Variants in CD200R1 observed in about 807,000 individuals in gnomAD.
CD200R1 encodes cell surface glycoprotein CD200 receptor 1.
In CD200R1, 30 loss-of-function variants were observed where a neutral mutation model predicts 38.1. That is an observed-to-expected ratio of 0.79 (90% CI 0.59 to 1.07). CD200R1 has a LOEUF of 1.07. CD200R1 is among the 50% of genes least tolerant of loss of function. The pLI is 0.00. For missense variants in CD200R1, 372 were observed against 415.4 expected (o/e 0.90, Z 0.91); for synonymous variants, 128 against 152.1 (o/e 0.84, Z 1.16).
chr3:112,965,016 A>T (rs1305450906), intron 1 of CD200R1, among the ~76,000 whole-genome samples: 1 of 152,114 alleles, frequency 6.6e-6, no homozygotes, highest in Non-Finnish European at 1.5e-5. Context: ...TTCACCTTCT[A>T]CCATTATTAT....
chr3:112,964,176 C>G (rs189094090), intron 1 of CD200R1, among the ~76,000 whole-genome samples: 3 of 152,328 alleles, frequency 2.0e-5, no homozygotes, highest in African/African-American at 7.2e-5. Context: ...CATGGAGAAC[C>G]TCTGCTAGGG....
At chr3:112,928,069 G>T (rs1181062128) in intron 5 of CD200R1, among the ~76,000 whole-genome samples, 1 of 152,166 alleles carries the variant, frequency 6.6e-6, no homozygotes, top group African/African-American at 2.4e-5. Context: ...TCTACCATAA[G>T]AAGTTGTGAT....
intron 1 of CD200R1, among the ~76,000 whole-genome samples, chr3:112,950,572 C>A (rs898144131): frequency 5.9e-5 from 9 of 152,138 alleles, no homozygotes; most frequent in South Asian, 2.1e-4. Context: ...ATCAACCACA[C>A]TGACCTAATT....
chr3:112,962,401 A>G (rs190238182), intron 1 of CD200R1, among the ~76,000 whole-genome samples: 10 of 152,342 alleles, frequency 6.6e-5, no homozygotes, highest in Admixed American at 3.3e-4. Context: ...TTGTTTTCCA[A>G]AAAATCTGAC....
intron 1 of CD200R1, among the ~76,000 whole-genome samples, chr3:112,959,143 C>T (rs1932948172): frequency 6.6e-6 from 1 of 152,022 alleles, no homozygotes; most frequent in Admixed American, 6.6e-5. Flanking sequence ...GTTAAAAACC[C>T]CTAATTCGGT....
At chr3:112,948,752 G>A (rs1483437461) in intron 1 of CD200R1, among the ~76,000 whole-genome samples, 1 of 152,196 alleles carries the variant, frequency 6.6e-6, no homozygotes, top group Non-Finnish European at 1.5e-5. Context: ...TTTCTGCAAG[G>A]CAAGCTCTTA....
At chr3:112,948,069 C>A in intron 1 of CD200R1, 145 bp from the exon 2 acceptor site, 2 of 654,696 alleles carry the variant, frequency 3.1e-6, no homozygotes, top group Admixed American at 2.4e-5. Context: ...GACAGCCAAG[C>A]AAAAGTCTTG....
At chr3:112,934,329 T>C (rs2107310104) in intron 2 of CD200R1, among the ~76,000 whole-genome samples, 1 of 152,114 alleles carries the variant, frequency 6.6e-6, no homozygotes, top group African/African-American at 2.4e-5. Flanking sequence ...AATGGAGTGA[T>C]ACATTCAAAG....
chr3:112,952,942 C>T (rs999937243), intron 1 of CD200R1, among the ~76,000 whole-genome samples: 4 of 152,120 alleles, frequency 2.6e-5, no homozygotes, highest in Admixed American at 6.6e-5. Flanking sequence ...CCAGCTAGAA[C>T]TTCCAGCATT....
rs375664928 is a variant in CD200R1, at chr3:112,961,072, C to T, written c.68-13148G>A. 6.6e-5 allele frequency among the ~76,000 whole-genome samples: 10 copies of T among 151,748 alleles called. No homozygotes were observed. In the East Asian group the frequency reaches 7.7e-4, roughly 12 times the overall value. On this transcript the variant is annotated intron_variant, in intron 1 of 7. Transcript: ENST00000308611. ...GTTCAGCAAAAAAAAGAAAGGCGGG[C>T]GGTGAAAACTCAAAGTTCTGGCAGA...
chr3:112,957,219 C>T (rs140087023), intron 1 of CD200R1, among the ~76,000 whole-genome samples: 2 of 152,314 alleles, frequency 1.3e-5, no homozygotes, highest in African/African-American at 4.8e-5. Context: ...TAACTAGGCA[C>T]TGTGTTCTCT....
At chr3:112,951,565 T>C (rs1394236707) in intron 1 of CD200R1, among the ~76,000 whole-genome samples, 1 of 151,832 alleles carries the variant, frequency 6.6e-6, no homozygotes, top group African/African-American at 2.4e-5. Context: ...TTTCACAAAA[T>C]ATTAACATCA....
chr3:112,928,815 C>T lies in CD200R1; in HGVS notation c.769+1G>A. The T allele has an allele frequency of 6.2e-7, 1 of 1,600,130 alleles. No individual in the cohort carries two copies. Among genetic ancestry groups the T allele is most frequent in the Non-Finnish European group, 8.5e-7 (1 of 1,171,232 alleles). On this transcript the variant is annotated splice_donor_variant, in intron 5 of 7. Transcript: ENST00000308611. LOFTEE classifies it high-confidence loss of function. ...AAAATAAAACTAAAAGAATTACTGA[C>T]CAGGAAGTAGCTCTATGTACAGACT...
chr3:112,974,696 T>C, intron 1 of CD200R1, 95 bp downstream of exon 1: 1 of 804,608 alleles, frequency 1.2e-6, no homozygotes, highest in Non-Finnish European at 2.2e-6. Flanking sequence ...TTATTGCAAT[T>C]GATTTGTATT....
At chr3:112,961,369 A>G (rs1933015426) in intron 1 of CD200R1, among the ~76,000 whole-genome samples, 2 of 152,092 alleles carry the variant, frequency 1.3e-5, no homozygotes, top group African/African-American at 4.8e-5. Flanking sequence ...CACTTCTCAT[A>G]CCAAAATAAA....
intron 2 of CD200R1, among the ~76,000 whole-genome samples, chr3:112,943,128 A>G (rs1042720874): frequency 1.3e-5 from 2 of 151,784 alleles, no homozygotes; most frequent in African/African-American, 4.8e-5. Flanking sequence ...TCAATTAACT[A>G]GTATAACTGA....
chr3:112,938,399 A>G (rs190499071), intron 2 of CD200R1, among the ~76,000 whole-genome samples: 96 of 152,236 alleles, frequency 6.3e-4, no homozygotes, highest in Non-Finnish European at 1.0e-3. Context: ...AAACCAAATT[A>G]ATAAAATCAG....
chr3:112,940,422 A>T (rs1415686093), intron 2 of CD200R1, among the ~76,000 whole-genome samples: 1 of 151,946 alleles, frequency 6.6e-6, no homozygotes, highest in Non-Finnish European at 1.5e-5. Flanking sequence ...CATCCAACAA[A>T]AGAGTAATAT....
chr3:112,970,722 G>T (rs1933283884), intron 1 of CD200R1, among the ~76,000 whole-genome samples: 2 of 152,134 alleles, frequency 1.3e-5, no homozygotes, highest in South Asian at 4.2e-4. Context: ...GACCTTATTG[G>T]GAGGAAATTT....
Sources: allele counts gnomAD v4.1 joint callset (sites outside exome capture counted in the v4.1 genomes callset), GRCh38; gene constraint gnomAD v4.1.1; transcripts MANE v1.5; gene names NCBI Gene and HGNC (gene_info 2026-07-23, HGNC 2026-07-21).